Variants in RMND5A observed in about 807,000 individuals in gnomAD.
RMND5A encodes the protein E3 ubiquitin-protein transferase RMND5A.
In RMND5A, 17 loss-of-function variants were observed where a neutral mutation model predicts 49.7. The ratio of observed to expected loss-of-function variants is 0.34; its 90% CI spans 0.23 to 0.51. The LOEUF (loss-of-function observed/expected upper bound fraction) is 0.51. Among genes scored for constraint, RMND5A ranks in the 20% least tolerant of loss-of-function variants. The pLI, the probability that RMND5A is intolerant of heterozygous loss-of-function variation, is 0.96. For synonymous variants in RMND5A, 156 were observed against 167.7 expected (o/e 0.93, Z 0.54); for missense variants, 255 against 471.3 (o/e 0.54, Z 4.25).
intron 6 of RMND5A, among the ~76,000 whole-genome samples, chr2:86,766,422 TTAGGAGGCC>T (rs1672592607): frequency 6.6e-6 from 1 of 152,072 alleles, no homozygotes; most frequent in Non-Finnish European, 1.5e-5. Context: ...TCTCAGCATT[TTAGGAGGCC>T]TAGGAGGGTG....
At position 86,776,384 on chromosome 2, in the gene RMND5A, T is replaced by G. The variant is rs915444005; in HGVS notation, c.*2973T>G. The G allele has an allele frequency of 3.9e-5, 6 of 152,202 alleles. No individual in the cohort carries two copies. The highest frequency in any genetic ancestry group is 1.4e-4 in the African/African-American group (6 of 41,440). 9.4% of individuals were successfully genotyped at this position (152,202 alleles called of 1,614,324 possible). A position where few individuals can be genotyped will look rare whatever the true frequency, so the allele number is the denominator to read the frequency against. On this transcript the variant is annotated 3_prime_UTR_variant, in exon 9 of 9. Transcript: ENST00000283632. ...GTGTGTATTTTTTGAGTGTGAGCAT[T>G]TAATTGAAAATAAGAAAGCTATGAA...
At chr2:86,769,429 G>A (rs1672650950) in intron 6 of RMND5A, among the ~76,000 whole-genome samples, 1 of 152,198 alleles carries the variant, frequency 6.6e-6, no homozygotes, top group South Asian at 2.1e-4. Context: ...GTAAGGAAGG[G>A]AATAGGAAAG....
At chr2:86,747,433 C>T (rs1184392407) in intron 2 of RMND5A, among the ~76,000 whole-genome samples, 2 of 152,134 alleles carry the variant, frequency 1.3e-5, no homozygotes, top group East Asian at 1.9e-4. Flanking sequence ...AAGTAGCTAT[C>T]GTCTGTTAGT....
intron 2 of RMND5A, among the ~76,000 whole-genome samples, chr2:86,744,676 A>G (rs1681506143): frequency 6.6e-6 from 1 of 151,968 alleles, no homozygotes; most frequent in South Asian, 2.1e-4. Context: ...GGTAGCCAAG[A>G]TATTGTTTGG....
At chr2:86,751,518 T>A (rs1681632528) in intron 2 of RMND5A, among the ~76,000 whole-genome samples, 1 of 152,182 alleles carries the variant, frequency 6.6e-6, no homozygotes, top group Admixed American at 6.5e-5. Context: ...GATAGGCATA[T>A]GTGTTTTCTC....
In RMND5A at chr2:86,766,037, G is replaced by A; in HGVS notation, c.854+13G>A. 6.2e-7 allele frequency: 1 copy of A among 1,608,974 alleles called. No homozygotes were observed. The highest frequency in any genetic ancestry group is 8.5e-7 in the Non-Finnish European group (1 of 1,177,740). On this transcript the variant is annotated intron_variant, in intron 6 of 8. Coordinates refer to ENST00000283632, the MANE Select transcript of RMND5A (RefSeq NM_022780.4). ...CTCTCAGTGTCAGGTATGGAAATTAGCCCTGTCTGTTATTGAAGTATGCAC... is the reference window on the plus strand; with the variant it reads ...CTCTCAGTGTCAGGTATGGAAATTAACCCTGTCTGTTATTGAAGTATGCAC...
chr2:86,765,300 G>T (rs377649749), intron 5 of RMND5A, 107 bp downstream of exon 5: 1 of 973,474 alleles, frequency 1.0e-6, no homozygotes, highest in African/African-American at 1.7e-5. Flanking sequence ...GTAAACAGTT[G>T]TAGTTGATAA....
intron 6 of RMND5A, among the ~76,000 whole-genome samples, chr2:86,766,438 G>A (rs925054810): frequency 6.6e-6 from 1 of 152,034 alleles, no homozygotes; most frequent in African/African-American, 2.4e-5. Context: ...GGCCTAGGAG[G>A]GTGGATCACG....
intron 1 of RMND5A, among the ~76,000 whole-genome samples, chr2:86,732,326 C>G (rs565904681): frequency 6.6e-6 from 1 of 150,390 alleles, no homozygotes; most frequent in Non-Finnish European, 1.5e-5. Flanking sequence ...CCCCCCATAT[C>G]ATAAAAATAA....
chr2:86,757,378 T>C (rs958795362), intron 4 of RMND5A, among the ~76,000 whole-genome samples: 2 of 152,074 alleles, frequency 1.3e-5, no homozygotes, highest in African/African-American at 4.8e-5. Context: ...CAGATTTCTT[T>C]TATGCTCACC....
Position 86,765,845 on chromosome 2 carries a change from G to T in RMND5A, c.689-14G>T, listed in dbSNP as rs1380443050. 1 of 1,611,720 alleles carries T rather than the reference G, an allele frequency of 6.2e-7. No individual in the cohort carries two copies. The highest frequency in any genetic ancestry group is 1.3e-5 in the African/African-American group (1 of 74,834). On this transcript the variant is annotated splice_polypyrimidine_tract_variant and intron_variant, in intron 5 of 8. Coordinates refer to ENST00000283632, the MANE Select transcript of RMND5A (RefSeq NM_022780.4). Reference sequence around the variant, plus strand: ...GCAAGCAAACTAATGCTTTCTTGCTGGTGCTTTTTTTAGACATTCAGGTTT... The same window carrying T: ...GCAAGCAAACTAATGCTTTCTTGCTTGTGCTTTTTTTAGACATTCAGGTTT...
chr2:86,765,367 CT>C, intron 5 of RMND5A, 174 bp downstream of exon 5: 1 of 526,422 alleles, frequency 1.9e-6, no homozygotes, highest in Non-Finnish European at 3.2e-6. Flanking sequence ...ATTAAAGCCT[CT>C]TAGAAGTCAG....
intron 5 of RMND5A, 137 bp from the exon 6 acceptor site, chr2:86,765,722 C>A: frequency 1.5e-6 from 1 of 678,602 alleles, no homozygotes. Flanking sequence ...AGGAAGAAAC[C>A]AAGCTTAAGG....
rs887431519 is a variant in RMND5A, at chr2:86,720,377, C to A, written c.-291C>A. ...TGAAAACAAAAACAATCGGCCGCGC[C>A]GTCGCAGGCACCCGAACGTCGCGAG... On this transcript the variant is annotated 5_prime_UTR_variant, in exon 1 of 9. Coordinates refer to ENST00000283632, the MANE Select transcript of RMND5A (RefSeq NM_022780.4). 6.2e-6 allele frequency: 1 copy of A among 161,742 alleles called. No individual in the cohort carries two copies. Among genetic ancestry groups the A allele is most frequent in the Admixed American group, 6.4e-5 (1 of 15,548 alleles). The allele number at this position is 161,742 out of a possible 1,614,324, so 10.0% of individuals were successfully genotyped here.
At chr2:86,760,391 A>G (rs1018437668) in intron 4 of RMND5A, among the ~76,000 whole-genome samples, 1 of 152,224 alleles carries the variant, frequency 6.6e-6, no homozygotes, top group African/African-American at 2.4e-5. Context: ...GGTTTCTAAC[A>G]TACATAAATT....
chr2:86,741,336 CATG>C (rs1340427925), intron 2 of RMND5A, among the ~76,000 whole-genome samples: 2 of 151,614 alleles, frequency 1.3e-5, no homozygotes, highest in African/African-American at 4.8e-5. Flanking sequence ...CTCCTAGGGT[CATG>C]ATAAATAAAG....
chr2:86,729,063 T>C (rs1681316264), intron 1 of RMND5A, among the ~76,000 whole-genome samples: 1 of 152,196 alleles, frequency 6.6e-6, no homozygotes, highest in Non-Finnish European at 1.5e-5. Flanking sequence ...CCAAGCACTG[T>C]TTAATTGAGA....
intron 4 of RMND5A, among the ~76,000 whole-genome samples, chr2:86,762,660 T>A (rs56806942): frequency 5.9e-5 from 8 of 136,322 alleles, no homozygotes; most frequent in African/African-American, 1.5e-4. Context: ...AAAAAAATAT[T>A]TTTTTATATA....
intron 4 of RMND5A, among the ~76,000 whole-genome samples, chr2:86,762,682 T>TATATATATCATATATATC (rs58739685): frequency 4.3e-4 from 56 of 131,680 alleles, no homozygotes; most frequent in African/African-American, 1.3e-3. Context: ...ATATATATCA[T>TATATATATCATATATATC]ATATATATCA....
Sources: gnomAD v4.1 joint callset for allele counts (sites outside exome capture counted in the v4.1 genomes callset) on GRCh38, gnomAD v4.1.1 for gene constraint, MANE v1.5 for transcripts, NCBI Gene and HGNC (gene_info 2026-07-23, HGNC 2026-07-21) for gene names.